Variants in CNOT3 observed in about 807,000 individuals in gnomAD.
The protein encoded by CNOT3 is CCR4-NOT transcription complex subunit 3, also known as CCR4-associated factor 3.
CNOT3 carries 2 observed loss-of-function variants against 89.4 expected under a neutral mutation model. That is an observed-to-expected ratio of 0.02 (90% CI 0.01 to 0.07). CNOT3 has a LOEUF of 0.07. Among genes scored for constraint, CNOT3 ranks in the 10% least tolerant of loss-of-function variants. The pLI is 1.00. For synonymous variants in CNOT3, 486 were observed against 402.0 expected, an observed-to-expected ratio of 1.21 and a Z score of -2.50; for missense variants, 664 against 1,010.2, an observed-to-expected ratio of 0.66 and a Z score of 4.65.
In CNOT3 at chr19:54,155,423, C is replaced by T; in HGVS notation, c.*16C>T. 1 of 1,528,022 alleles carries T rather than the reference C, an allele frequency of 6.5e-7. No homozygotes were observed. The highest frequency in any genetic ancestry group is 9.0e-7 in the Non-Finnish European group (1 of 1,117,212). The allele number at this position is 1,528,022 out of a possible 1,614,324, so 94.7% of individuals were successfully genotyped here. A position where few individuals can be genotyped will look rare whatever the true frequency, so the allele number is the denominator to read the frequency against. On this transcript the variant is annotated 3_prime_UTR_variant, in exon 18 of 18. Transcript: ENST00000221232. ...CCTCCAGTGACACCGGCCCCTCCCT[C>T]TACCCACCCCCTTCCCCCGCATGCT...
At chr19:54,147,634 C>T (rs1390349207) in intron 10 of CNOT3, among the ~76,000 whole-genome samples, 2 of 152,176 alleles carry the variant, frequency 1.3e-5, no homozygotes, top group Admixed American at 6.5e-5. Flanking sequence ...GTAGGGATAC[C>T]ATGAGCACAT....
Position 54,145,428 on chromosome 19 carries a change from C to A in CNOT3, c.484-170C>A, listed in dbSNP as rs1255694012. On this transcript the variant is annotated intron_variant, in intron 7 of 17. Transcript: ENST00000221232. The surrounding 1 kb of genome is among the most constrained non-coding windows in gnomAD (Gnocchi z 5.9). ...AAGATGTCAAGGCTAAGATTGGTCCCCACAGGGCTCAGAGGGTGGGTGGAC... is the reference window on the plus strand; with the variant it reads ...AAGATGTCAAGGCTAAGATTGGTCCACACAGGGCTCAGAGGGTGGGTGGAC... 3 of 609,728 alleles carry A rather than the reference C, an allele frequency of 4.9e-6. No homozygotes were observed. Among genetic ancestry groups the A allele is most frequent in the Non-Finnish European group, 8.8e-6 (3 of 340,406 alleles). The allele number at this position is 609,728 out of a possible 1,614,324, so 37.8% of individuals were successfully genotyped here.
In CNOT3 at chr19:54,152,308, T is replaced by A; in HGVS notation, c.1688T>A (p.Leu563Gln). The A allele has an allele frequency of 6.2e-7, 1 of 1,614,134 alleles. No individual in the cohort carries two copies. Among genetic ancestry groups the A allele is most frequent in the Non-Finnish European group, 8.5e-7 (1 of 1,180,006 alleles). The change falls in exon 14 of 18, where the codon CTG becomes CAG. Residue 563 changes from leucine to glutamine, a missense_variant. Transcript: ENST00000221232. ...GGCATTGAGGACCCTGTGCCAACGCTGCACCTGACCGAGCGAGGTGAGGGA... is the reference window on the plus strand; with the variant it reads ...GGCATTGAGGACCCTGTGCCAACGCAGCACCTGACCGAGCGAGGTGAGGGA... ...SSGIEDPVPTLHLTERDIILS... is the reference protein window; with the variant it reads ...SSGIEDPVPTQHLTERDIILS...
In CNOT3 at chr19:54,155,502, A is replaced by C. The variant is rs765003669; in HGVS notation, c.*95A>C. 80 of 960,924 alleles carry C rather than the reference A, an allele frequency of 8.3e-5. 1 individual carries two copies. Among genetic ancestry groups the C allele is most frequent in the Non-Finnish European group, 1.2e-4 (76 of 647,144 alleles). The allele number at this position is 960,924 out of a possible 1,614,324, so 59.5% of individuals were successfully genotyped here. ...CCTGGAAGACTGGAGGGAGGCCCCA[A>C]GCCACGGGGCATCCCCCTCTCCCAG... On this transcript the variant is annotated 3_prime_UTR_variant, in exon 18 of 18. Coordinates refer to ENST00000221232, the MANE Select transcript of CNOT3 (RefSeq NM_014516.4).
Position 54,143,924 on chromosome 19 carries a change from G to T in CNOT3, c.259-82G>T, listed in dbSNP as rs999976420. 26 of 1,554,918 alleles carry T rather than the reference G, an allele frequency of 1.7e-5. No homozygotes were observed. The African/African-American group carries it at 3.5e-4, about 21-fold the overall frequency. ...AGAGCTCAGAAAGTAGGGTCACGAG[G>T]CTCAGGTCGGAGTGTCTGCTGGCCC... On this transcript the variant is annotated intron_variant, in intron 5 of 17. Coordinates refer to ENST00000221232, the MANE Select transcript of CNOT3 (RefSeq NM_014516.4).
At chr19:54,151,445 TG>T (rs1401058800) in intron 13 of CNOT3, among the ~76,000 whole-genome samples, 1 of 152,108 alleles carries the variant, frequency 6.6e-6, no homozygotes, top group African/African-American at 2.4e-5. Context: ...GGCTCACACC[TG>T]TAATCCCAGC....
Position 54,148,946 on chromosome 19 carries a change from T to C in CNOT3, c.1406+203T>C, listed in dbSNP as rs1275149557. Among the ~76,000 whole-genome samples the C allele has an allele frequency of 6.6e-6, 1 of 152,230 alleles. No individual in the cohort carries two copies. Among genetic ancestry groups the C allele is most frequent in the African/African-American group, 2.4e-5 (1 of 41,462 alleles). On this transcript the variant is annotated intron_variant, in intron 12 of 17. Coordinates refer to ENST00000221232, the MANE Select transcript of CNOT3 (RefSeq NM_014516.4). The surrounding 1 kb of genome is among the most constrained non-coding windows in gnomAD (Gnocchi z 6.3). ...CTACATCAGCCTCCCTGCTTTGCCC[T>C]TCAGAACATTCTAAAATACGTTCTC...
At chr19:54,154,456 G>C (rs1470292781) in intron 17 of CNOT3, 1 of 202,404 alleles carries the variant, frequency 4.9e-6, no homozygotes, top group Non-Finnish European at 1.0e-5. Flanking sequence ...ACCTAATGCA[G>C]TTGTTATGAA....
chr19:54,140,810 C>T (rs902121676), intron 1 of CNOT3, among the ~76,000 whole-genome samples: 8 of 152,170 alleles, frequency 5.3e-5, no homozygotes, highest in Admixed American at 5.2e-4. Flanking sequence ...ACTTCCTTCT[C>T]TTGCTGCCAC....
In CNOT3 at chr19:54,144,957, G is replaced by C. The variant is rs1191602938; in HGVS notation, c.483+625G>C. 6.6e-6 allele frequency among the ~76,000 whole-genome samples: 1 copy of C among 152,124 alleles called. No homozygotes were observed. The highest frequency in any genetic ancestry group is 6.5e-5 in the Admixed American group (1 of 15,276). On this transcript the variant is annotated intron_variant, in intron 7 of 17. Transcript: ENST00000221232. The surrounding 1 kb of genome is among the most constrained non-coding windows in gnomAD (Gnocchi z 4.8). ...GAAGTGGAAGATGACAGGGTTGGGT[G>C]TCAGACTCTGAGGGGTTTGGGAACC...
At chr19:54,151,778 G>A (rs1236651467) in intron 13 of CNOT3, among the ~76,000 whole-genome samples, 4 of 152,192 alleles carry the variant, frequency 2.6e-5, no homozygotes, top group African/African-American at 9.7e-5. Context: ...GTCACCCCAT[G>A]CCAGTCACAG....
chr19:54,151,728 G>A (rs2075125196), intron 13 of CNOT3, among the ~76,000 whole-genome samples: 1 of 152,150 alleles, frequency 6.6e-6, no homozygotes, highest in Admixed American at 6.5e-5. Context: ...TTCCAGCAAG[G>A]AGACTGAAGC....
intron 9 of CNOT3, 117 bp downstream of exon 9, chr19:54,146,160 G>T: frequency 1.8e-6 from 2 of 1,108,706 alleles, no homozygotes; most frequent in African/African-American, 1.5e-5. Context: ...ACAGATCTAG[G>T]TATCCAGGGT....
chr19:54,149,902 C>G, intron 13 of CNOT3, 144 bp downstream of exon 13: 1 of 867,008 alleles, frequency 1.2e-6, no homozygotes, highest in South Asian at 2.0e-5. Context: ...TGCTCTTTCT[C>G]CAGGTCTTTC....
At position 54,145,200 on chromosome 19, in the gene CNOT3, C is replaced by T. The variant is rs2074611607; in HGVS notation, c.484-398C>T. 1.3e-5 allele frequency among the ~76,000 whole-genome samples: 2 copies of T among 152,116 alleles called. No homozygotes were observed. Among genetic ancestry groups the T allele is most frequent in the Admixed American group, 6.5e-5 (1 of 15,280 alleles). On this transcript the variant is annotated intron_variant, in intron 7 of 17. Transcript: ENST00000221232. The surrounding 1 kb of genome is among the most constrained non-coding windows in gnomAD (Gnocchi z 5.9). ...TCACAAATGGGGGTTATCATTGTTA[C>T]TGCTGGAGCAGGTCGGAGGGTATCT...
chr19:54,155,212 T>G, intron 17 of CNOT3, 97 bp from the exon 18 acceptor site: 2 of 1,502,456 alleles, frequency 1.3e-6, no homozygotes, highest in Non-Finnish European at 1.8e-6. Flanking sequence ...GCCTGACACA[T>G]CCACAGCCCT....
rs2146768343 is a variant in CNOT3, at chr19:54,152,875, TC to T, written c.1918del (p.Arg640GlyfsTer52). On this transcript the variant is annotated frameshift_variant, in exon 16 of 18. Coordinates refer to ENST00000221232, the MANE Select transcript of CNOT3 (RefSeq NM_014516.4). LOFTEE classifies it high-confidence loss of function. ...PSDSERIRQY[L>X]PRNPCPTPPY... ...TCCTGTTGCTCTCACAGGCAGTACCTCCCCCGGAACCCCTGTCCGACGCCCC... is the reference window on the plus strand; with the variant it reads ...TCCTGTTGCTCTCACAGGCAGTACCTCCCCGGAACCCCTGTCCGACGCCCC... 28 of 1,428,942 alleles carry T rather than the reference TC, an allele frequency of 2.0e-5. No individual in the cohort carries two copies. Among genetic ancestry groups the T allele is most frequent in the Non-Finnish European group, 2.6e-5 (27 of 1,033,332 alleles). 88.5% of individuals were successfully genotyped at this position (1,428,942 alleles called of 1,614,324 possible).
intron 1 of CNOT3, among the ~76,000 whole-genome samples, chr19:54,140,078 A>G (rs2074385906): frequency 6.6e-6 from 1 of 152,086 alleles, no homozygotes; most frequent in South Asian, 2.1e-4. Flanking sequence ...CCCCAAGGTT[A>G]AGGACCACCC....
chr19:54,146,777 T>C, intron 10 of CNOT3, 120 bp downstream of exon 10: 1 of 744,702 alleles, frequency 1.3e-6, no homozygotes, highest in South Asian at 1.5e-5. Context: ...GGCTCAGAAA[T>C]CAGTGCTGCC....
Sources: allele counts gnomAD v4.1 joint callset (sites outside exome capture counted in the v4.1 genomes callset), GRCh38; gene constraint gnomAD v4.1.1; non-coding constraint Gnocchi (gnomAD v3.1); transcripts MANE v1.5; gene names NCBI Gene and HGNC (gene_info 2026-07-23, HGNC 2026-07-21).